The following ZNF667 variants were observed in gnomAD, a reference collection of about 807,000 sequenced individuals.
The protein encoded by ZNF667 is zinc finger protein 667.
In ZNF667, 13 loss-of-function variants were observed where a neutral mutation model predicts 31.8. That is an observed-to-expected ratio of 0.41 (90% CI 0.27 to 0.65). The LOEUF is 0.65. Among genes scored for constraint, ZNF667 ranks in the 30% least tolerant of loss-of-function variants. The pLI, the probability that ZNF667 is intolerant of heterozygous loss-of-function variation, is 0.32. For synonymous variants in ZNF667, 228 were observed against 247.1 expected (o/e 0.92, Z 0.73); for missense variants, 642 against 725.6 (o/e 0.88, Z 1.32).
At chr19:56,466,921 G>C (rs1352165124) in intron 3 of ZNF667, 1 of 436,730 alleles carries the variant, frequency 2.3e-6, no homozygotes, top group Non-Finnish European at 4.6e-6. Flanking sequence ...TGCTTTCTGA[G>C]AACACCCTAC....
chr19:56,453,488 T>C (rs2042875484), intron 6 of ZNF667, among the ~76,000 whole-genome samples: 1 of 152,166 alleles, frequency 6.6e-6, no homozygotes, highest in Non-Finnish European at 1.5e-5. Flanking sequence ...TAAACAGATC[T>C]TTCATCATGA....
At chr19:56,447,809 A>C (rs1407829968) in intron 6 of ZNF667, among the ~76,000 whole-genome samples, 1 of 152,126 alleles carries the variant, frequency 6.6e-6, no homozygotes, top group Non-Finnish European at 1.5e-5. Context: ...TGAACCCAGG[A>C]GGCGGAGGTT....
At chr19:56,469,393 A>G (rs1478737878) in intron 3 of ZNF667, among the ~76,000 whole-genome samples, 1 of 152,138 alleles carries the variant, frequency 6.6e-6, no homozygotes, top group Non-Finnish European at 1.5e-5. Flanking sequence ...AAGTGTTCCT[A>G]TCAGCTGTGT....
chr19:56,477,143 G>T (rs2043429008), intron 1 of ZNF667, 129 bp downstream of exon 1: 1 of 152,100 alleles, frequency 6.6e-6, no homozygotes, highest in Non-Finnish European at 1.5e-5. Flanking sequence ...GCCCACGCAA[G>T]CACCCGCGCA....
At chr19:56,469,360 T>G (rs1399101394) in intron 3 of ZNF667, among the ~76,000 whole-genome samples, 1 of 152,180 alleles carries the variant, frequency 6.6e-6, no homozygotes, top group African/African-American at 2.4e-5. Flanking sequence ...AACACATCAC[T>G]CTGGGGTCAG....
At chr19:56,475,764 T>A (rs553415089) in intron 1 of ZNF667, 1 of 152,332 alleles carries the variant, frequency 6.6e-6, no homozygotes, top group Non-Finnish European at 1.5e-5. Flanking sequence ...AGTTCTGTTC[T>A]TGACCCCATG....
chr19:56,474,013 A>T lies in ZNF667; in HGVS notation c.-550T>A, dbSNP rs2147851790. 1 of 152,342 alleles carries T rather than the reference A, an allele frequency of 6.6e-6. No homozygotes were observed. The highest frequency in any genetic ancestry group is 1.9e-4 in the East Asian group (1 of 5,180). The allele number at this position is 152,342 out of a possible 1,614,324, so 9.4% of individuals were successfully genotyped here. A position where few individuals can be genotyped will look rare whatever the true frequency, so the allele number is the denominator to read the frequency against. ...AAAAGAAGGCTGGATCGCACATACC[A>T]CATCAAGGCAGGGCTGTAAACCTGG... On this transcript the variant is annotated splice_region_variant and 5_prime_UTR_variant, in exon 2 of 7. Transcript: ENST00000504904.
At position 56,442,692 on chromosome 19, in the gene ZNF667, G is replaced by T; in HGVS notation, c.303C>A (p.Asn101Lys). 1 of 1,609,286 alleles carries T rather than the reference G, an allele frequency of 6.2e-7. No homozygotes were observed. ...ETKKLPPNQC[N>K]KSGQSICQKL... ...TCTGGCAGATGCTTTGCCCAGATTT[G>T]TTGCATTGATTTGGAGGTAACTTCT... Residue 101 changes from asparagine (N) to lysine (K), a missense_variant, in exon 7 of 7, where the codon AAC becomes AAA. By Grantham distance (94) the Asn-to-Lys change is moderately conservative. Transcript: ENST00000504904.
chr19:56,442,257 A>C lies in ZNF667; in HGVS notation c.738T>G (p.Ile246Met), dbSNP rs760784287. 1.4e-5 allele frequency: 23 copies of C among 1,614,134 alleles called. No homozygotes were observed. Among genetic ancestry groups the C allele is most frequent in the Non-Finnish European group, 1.9e-5 (22 of 1,180,008 alleles). The change falls in exon 7 of 7, where the codon ATT becomes ATG. Residue 246 changes from isoleucine (I) to methionine (M), a missense_variant. By Grantham distance (10) the Ile-to-Met change is conservative. Transcript: ENST00000504904. Reference protein sequence around the residue: ...QCQSFNIHQKIHVVGNVCQCR... With the variant: ...QCQSFNIHQKMHVVGNVCQCR... ...ACTGGCAGACATTCCCAACAACATGAATTTTCTGATGTATATTGAAAGACT... is the reference window on the plus strand; with the variant it reads ...ACTGGCAGACATTCCCAACAACATGCATTTTCTGATGTATATTGAAAGACT...
At chr19:56,460,072 A>G (rs2147775835) in intron 5 of ZNF667, among the ~76,000 whole-genome samples, 1 of 152,334 alleles carries the variant, frequency 6.6e-6, no homozygotes, top group Admixed American at 6.5e-5. Context: ...ACCCCTAGGT[A>G]TATGCCCCAG....
At chr19:56,459,759 C>T (rs1472015458) in intron 5 of ZNF667, among the ~76,000 whole-genome samples, 6 of 152,024 alleles carry the variant, frequency 3.9e-5, no homozygotes, top group Non-Finnish European at 7.4e-5. Flanking sequence ...TTTGGGAGGC[C>T]GAGGTGGGCA....
At chr19:56,448,624 C>G (rs1382232793) in intron 6 of ZNF667, among the ~76,000 whole-genome samples, 1 of 116,842 alleles carries the variant, frequency 8.6e-6, no homozygotes, top group Admixed American at 1.0e-4. Context: ...ACTTGGATAT[C>G]ATCTCAACCA....
intron 6 of ZNF667, chr19:56,444,292 G>A (rs2042677976): frequency 2.5e-6 from 1 of 398,414 alleles, no homozygotes. Context: ...CTTACTCATG[G>A]TGAAAGACGA....
At position 56,441,805 on chromosome 19, in the gene ZNF667, C is replaced by T. The variant is rs376752822; in HGVS notation, c.1190G>A (p.Arg397Gln). ...RCNKCEKVCN[R>Q]HSSLIQHQKV... ...CTGATGTTGAATAAGGGATGAATGC[C>T]GATTGCAGACCTTCTCACATTTATT... The change falls in exon 7 of 7, where the codon CGG becomes CAG. Residue 397 changes from arginine (R) to glutamine (Q), a missense_variant. Coordinates refer to ENST00000504904, the MANE Select transcript of ZNF667 (RefSeq NM_001321356.2). This position sits in a 1 kb window ranked among gnomAD's most constrained non-coding sequence, Gnocchi z 4.2. 2.5e-5 allele frequency: 41 copies of T among 1,613,820 alleles called. No individual in the cohort carries two copies. The Middle Eastern group carries it at 4.9e-4, about 19-fold the overall frequency.
chr19:56,473,137 T>C (rs1050526203), intron 2 of ZNF667: 6 of 152,236 alleles, frequency 3.9e-5, no homozygotes, highest in Non-Finnish European at 7.3e-5. Flanking sequence ...GTATTCACAA[T>C]GGCAGAGTTT....
chr19:56,463,607 A>C (rs2043099641), intron 3 of ZNF667, among the ~76,000 whole-genome samples: 2 of 151,764 alleles, frequency 1.3e-5, no homozygotes, highest in African/African-American at 4.8e-5. Context: ...GGCTCACTGC[A>C]ACCTCAACCT....
intron 3 of ZNF667, among the ~76,000 whole-genome samples, chr19:56,465,577 G>A (rs2043141693): frequency 6.6e-6 from 1 of 152,232 alleles, no homozygotes; most frequent in Non-Finnish European, 1.5e-5. Flanking sequence ...TTCTGACGCC[G>A]TTTTCCAGAT....
chr19:56,449,463 T>C (rs2042773955), intron 6 of ZNF667: 1 of 261,868 alleles, frequency 3.8e-6, no homozygotes, highest in Non-Finnish European at 7.8e-6. Context: ...GTGGATCACC[T>C]GAGTTCAGGA....
At chr19:56,451,868 CAAAAAAAAAAA>C (rs71184363) in intron 6 of ZNF667, among the ~76,000 whole-genome samples, 15 of 80,948 alleles carry the variant, frequency 1.9e-4, no homozygotes, top group African/African-American at 5.4e-4. Context: ...GACCCTGTCT[CAAAAAAAAAAA>C]AAAAAAAAAA....
Sources: allele counts gnomAD v4.1 joint callset (sites outside exome capture counted in the v4.1 genomes callset), GRCh38; gene constraint gnomAD v4.1.1; non-coding constraint Gnocchi (gnomAD v3.1); transcripts MANE v1.5; gene names NCBI Gene and HGNC (gene_info 2026-07-23, HGNC 2026-07-21).